Variants in DENND5B observed in about 807,000 individuals in gnomAD.
DENND5B encodes DENN domain containing 5B.
DENND5B carries 34 observed loss-of-function variants against 140.6 expected under a neutral mutation model. The ratio of observed to expected loss-of-function variants is 0.24; its 90% CI spans 0.18 to 0.32. DENND5B has a LOEUF of 0.32. Among genes scored for constraint, DENND5B ranks in the 10% least tolerant of loss-of-function variants. DENND5B has a pLI of 1.00. For missense variants in DENND5B, 1,142 were observed against 1,560.2 expected (o/e 0.73, Z 4.52); for synonymous variants, 551 against 562.1 (o/e 0.98, Z 0.28).
chr12:31,496,913 G>T (rs1946781704), intron 1 of DENND5B, among the ~76,000 whole-genome samples: 1 of 152,034 alleles, frequency 6.6e-6, no homozygotes, highest in African/African-American at 2.4e-5. Context: ...AGAAGATCTT[G>T]CAACAATTTT....
chr12:31,481,155 T>A (rs1001007760), intron 2 of DENND5B, among the ~76,000 whole-genome samples: 6 of 152,236 alleles, frequency 3.9e-5, no homozygotes, highest in African/African-American at 1.2e-4. Flanking sequence ...TATTGCAATA[T>A]GCTTTTTACA....
At chr12:31,460,757 G>A (rs184481943) in intron 3 of DENND5B, among the ~76,000 whole-genome samples, 4 of 152,246 alleles carry the variant, frequency 2.6e-5, no homozygotes, top group African/African-American at 7.2e-5. Context: ...ATGGAGTCTC[G>A]CTTTGTTGCC....
At chr12:31,567,318 A>AG (rs1949666195) in intron 1 of DENND5B, among the ~76,000 whole-genome samples, 1 of 26,722 alleles carries the variant, frequency 3.7e-5, no homozygotes, top group African/African-American at 1.6e-4. Context: ...ACCTTGTCTC[A>AG]AAAAAAAAAA....
At chr12:31,394,826 G>T (rs567295128) in intron 17 of DENND5B, among the ~76,000 whole-genome samples, 19 of 152,072 alleles carry the variant, frequency 1.2e-4, no homozygotes, top group Admixed American at 1.1e-3. Context: ...TGTTAGCCAG[G>T]ATGGTCTCGA....
intron 3 of DENND5B, among the ~76,000 whole-genome samples, chr12:31,475,617 T>C (rs1478898596): frequency 6.6e-6 from 1 of 152,014 alleles, no homozygotes; most frequent in Non-Finnish European, 1.5e-5. Context: ...GGTATGGTAA[T>C]GCATGCCTGT....
intron 17 of DENND5B, among the ~76,000 whole-genome samples, chr12:31,397,896 C>T (rs1047013943): frequency 2.0e-5 from 3 of 152,072 alleles, no homozygotes; most frequent in Non-Finnish European, 2.9e-5. Flanking sequence ...TGCATTCTAG[C>T]CTGGGTAACA....
chr12:31,464,743 G>A (rs1272595884), intron 3 of DENND5B, among the ~76,000 whole-genome samples: 1 of 151,734 alleles, frequency 6.6e-6, no homozygotes, highest in Non-Finnish European at 1.5e-5. Flanking sequence ...TGTGTTTTTT[G>A]TAGAAAGGGG....
chr12:31,389,059 T>C lies in DENND5B; in HGVS notation c.3641+265A>G, dbSNP rs539911156. Among the ~76,000 whole-genome samples the C allele has an allele frequency of 3.1e-4, 47 of 152,236 alleles. 1 individual carries two copies. The South Asian group carries it at 9.8e-3, about 32-fold the overall frequency. On this transcript the variant is annotated intron_variant, in intron 20 of 20. Coordinates refer to ENST00000389082, the MANE Select transcript of DENND5B (RefSeq NM_144973.4). The stretch of plus-strand genomic sequence containing the variant: ...CATCTATTTTCTACTTTCTCATCTT[T>C]AAAATGAAAAAATCGGTTGCTACCT...
At chr12:31,397,360 A>T (rs1279306643) in intron 17 of DENND5B, among the ~76,000 whole-genome samples, 1 of 151,922 alleles carries the variant, frequency 6.6e-6, no homozygotes, top group African/African-American at 2.4e-5. Flanking sequence ...CAGCCTGGCC[A>T]ACATGGGGAA....
intron 1 of DENND5B, 46 bp downstream of exon 1, chr12:31,590,660 C>G: frequency 1.4e-6 from 2 of 1,422,256 alleles, no homozygotes; most frequent in Non-Finnish European, 1.8e-6. Context: ...CACAGCGTCC[C>G]CCGCGCCCCT....
At chr12:31,534,555 T>C (rs1948413487) in intron 1 of DENND5B, among the ~76,000 whole-genome samples, 1 of 152,186 alleles carries the variant, frequency 6.6e-6, no homozygotes, top group Non-Finnish European at 1.5e-5. Context: ...CATTCTGATA[T>C]CAGGTCAGGC....
At chr12:31,470,217 C>T (rs563897231) in intron 3 of DENND5B, among the ~76,000 whole-genome samples, 2 of 146,592 alleles carry the variant, frequency 1.4e-5, no homozygotes, top group South Asian at 2.2e-4. Flanking sequence ...AGGGTTCAAG[C>T]GATTCTCCTG....
At chr12:31,549,312 CACTG>C (rs1248241907) in intron 1 of DENND5B, among the ~76,000 whole-genome samples, 3 of 152,138 alleles carry the variant, frequency 2.0e-5, no homozygotes, top group South Asian at 2.1e-4. Context: ...CGTAAAACGG[CACTG>C]ACTTTTTCCT....
chr12:31,490,899 C>T (rs1946499966), intron 2 of DENND5B, among the ~76,000 whole-genome samples: 1 of 152,102 alleles, frequency 6.6e-6, no homozygotes, highest in South Asian at 2.1e-4. Flanking sequence ...AAAGTAAGAG[C>T]TTTATAATAG....
intron 3 of DENND5B, among the ~76,000 whole-genome samples, chr12:31,466,250 G>A (rs1486682722): frequency 6.6e-6 from 1 of 152,092 alleles, no homozygotes; most frequent in African/African-American, 2.4e-5. Flanking sequence ...CTACTCGGGA[G>A]GCTGAAGTAG....
At chr12:31,564,212 T>C (rs1254944018) in intron 1 of DENND5B, among the ~76,000 whole-genome samples, 2 of 152,274 alleles carry the variant, frequency 1.3e-5, no homozygotes, top group East Asian at 3.9e-4. Flanking sequence ...TAAAGCATAA[T>C]AAAATGTAGT....
intron 3 of DENND5B, among the ~76,000 whole-genome samples, chr12:31,472,185 T>C (rs752445538): frequency 4.5e-4 from 68 of 152,294 alleles, no homozygotes; most frequent in Non-Finnish European, 8.1e-4. Context: ...ATCTTACAGA[T>C]GCTAATAAAA....
In DENND5B at chr12:31,488,581, G is replaced by GT. The variant is rs534456575; in HGVS notation, c.237+7228dup. ...ATGCTCTTCCAACAAATCAAAAAAAGTAAGAACTATATATCTAATCGGGAA... is the reference window on the plus strand; with the variant it reads ...ATGCTCTTCCAACAAATCAAAAAAAGTTAAGAACTATATATCTAATCGGGAA... On this transcript the variant is annotated intron_variant, in intron 2 of 20. Coordinates refer to ENST00000389082, the MANE Select transcript of DENND5B (RefSeq NM_144973.4). Among the ~76,000 whole-genome samples, 216 of 152,242 alleles carry GT rather than the reference G, an allele frequency of 1.4e-3. 3 individuals carry two copies. The highest frequency in any genetic ancestry group is 5.0e-3 in the African/African-American group (209 of 41,564).
At chr12:31,449,179 T>A (rs1299143538) in intron 5 of DENND5B, among the ~76,000 whole-genome samples, 1 of 152,156 alleles carries the variant, frequency 6.6e-6, no homozygotes, top group African/African-American at 2.4e-5. Flanking sequence ...GAAAGAGAAA[T>A]AAGTTCTGAC....
Sources: allele counts gnomAD v4.1 joint callset (sites outside exome capture counted in the v4.1 genomes callset), GRCh38; gene constraint gnomAD v4.1.1; transcripts MANE v1.5; gene names NCBI Gene and HGNC (gene_info 2026-07-23, HGNC 2026-07-21).